The following ANAPC4 variants were observed in gnomAD, a reference collection of about 807,000 sequenced individuals.
ANAPC4 encodes anaphase promoting complex subunit 4, also known as anaphase-promoting complex subunit 4.
ANAPC4 carries 63 observed loss-of-function variants against 119.8 expected under a neutral mutation model. The observed-to-expected ratio is 0.53, with a 90% CI of 0.43 to 0.65. The LOEUF is 0.65. ANAPC4 is among the 30% of genes least tolerant of loss of function. The probability of loss-of-function intolerance (pLI) is 0.00; values close to 1 mark genes in which losing one functional copy is unlikely to be tolerated. For synonymous variants in ANAPC4, 283 were observed against 318.6 expected, an observed-to-expected ratio of 0.89 and a Z score of 1.19; for missense variants, 716 against 945.1, an observed-to-expected ratio of 0.76 and a Z score of 3.18.
intron 20 of ANAPC4, 93 bp downstream of exon 20, chr4:25,407,346 A>T (rs1346349468): frequency 7.9e-6 from 7 of 885,550 alleles, no homozygotes; most frequent in Non-Finnish European, 1.2e-5. Context: ...GTAATACAGG[A>T]TCTCTGCCCT....
In ANAPC4 at chr4:25,396,853, A is replaced by G. The variant is rs368949185; in HGVS notation, c.1168A>G (p.Ile390Val). 6.8e-6 allele frequency: 11 copies of G among 1,612,734 alleles called. No homozygotes were observed. The highest frequency in any genetic ancestry group is 5.5e-5 in the South Asian group (5 of 90,786). Residue 390 changes from isoleucine to valine, a missense_variant, in exon 16 of 29, where the codon ATA becomes GTA. Ile to Val is a conservative substitution (Grantham distance 29). Around this residue, in one of 3 missense-constraint regions of ANAPC4, gnomAD observed 504 missense variants for 615.8 expected, o/e 0.82. Coordinates refer to ENST00000315368, the MANE Select transcript of ANAPC4 (RefSeq NM_013367.3). ...TATTTATTTTTTCCCTTTAGAAGCT[A>G]TAACTGCTGTGGGTTCTTTTATACT... ...GLDAAGIEEAITAVGSFILKA... is the reference protein window; with the variant it reads ...GLDAAGIEEAVTAVGSFILKA...
chr4:25,393,166 T>G (rs1245818395), intron 10 of ANAPC4, among the ~76,000 whole-genome samples: 1 of 152,214 alleles, frequency 6.6e-6, no homozygotes, highest in Non-Finnish European at 1.5e-5. Flanking sequence ...TCAGTATCTT[T>G]TTAAAATTGA....
chr4:25,415,862 T>A (rs1723843401), intron 26 of ANAPC4: 1 of 229,168 alleles, frequency 4.4e-6, no homozygotes, highest in African/African-American at 2.3e-5. Flanking sequence ...CAAAAAAAAT[T>A]ATGAGGTGAT....
intron 20 of ANAPC4, among the ~76,000 whole-genome samples, chr4:25,407,740 A>C (rs1212373000): frequency 6.6e-6 from 1 of 152,084 alleles, no homozygotes; most frequent in African/African-American, 2.4e-5. Flanking sequence ...TCAAAAATAG[A>C]ATATACCAGC....
At position 25,392,343 on chromosome 4, in the gene ANAPC4, A is replaced by G; in HGVS notation, c.711A>G (p.Glu237=). 1 of 1,610,710 alleles carries G rather than the reference A, an allele frequency of 6.2e-7. No individual in the cohort carries two copies. The highest frequency in any genetic ancestry group is 8.5e-7 in the Non-Finnish European group (1 of 1,177,216). The stretch of plus-strand genomic sequence containing the variant: ...TTACTCTTTTGATTTTACAGCTTGA[A>G]ACTAATCTGTTGTACTCTTTCTTAC... ...GASEVSYFQL[E]TNLLYSFLPE... The change falls in exon 10 of 29, where the codon GAA becomes GAG. Residue 237 remains glutamate, a synonymous_variant. Coordinates refer to ENST00000315368, the MANE Select transcript of ANAPC4 (RefSeq NM_013367.3).
chr4:25,388,680 AAG>A, intron 5 of ANAPC4, 35 bp from the exon 6 acceptor site: 3 of 1,562,082 alleles, frequency 1.9e-6, no homozygotes, highest in Non-Finnish European at 2.6e-6. Flanking sequence ...TATTTTTACT[AAG>A]AGTATTTTTT....
At chr4:25,388,984 T>TTC in intron 7 of ANAPC4, 102 bp downstream of exon 7, 1 of 1,043,582 alleles carries the variant, frequency 9.6e-7, no homozygotes, top group Non-Finnish European at 1.4e-6. Context: ...CCATTTTATT[T>TTC]CATTGTTTTT....
In ANAPC4 at chr4:25,418,256, G is replaced by T. The variant is rs1381085831; in HGVS notation, c.2301G>T (p.Lys767Asn). The T allele has an allele frequency of 3.7e-6, 6 of 1,613,946 alleles. No homozygotes were observed. The highest frequency in any genetic ancestry group is 5.1e-6 in the Non-Finnish European group (6 of 1,179,978). The change falls in exon 29 of 29, where the codon AAG (lysine) becomes AAT (asparagine). Residue 767 changes from lysine to asparagine, a missense_variant. By Grantham distance (94) the Lys-to-Asn change is moderately conservative (BLOSUM62 0). Around this residue, in one of 3 missense-constraint regions of ANAPC4, gnomAD observed 504 missense variants for 615.8 expected, o/e 0.82. Transcript: ENST00000315368. ...ATGAAGAGGAGGAGGCCAGTAATAAGCCTGTAAAAATAAAGGAAGAAGTGT... is the reference window on the plus strand; with the variant it reads ...ATGAAGAGGAGGAGGCCAGTAATAATCCTGTAAAAATAAAGGAAGAAGTGT... ...SSDEEEEASN[K>N]PVKIKEEVLS... is the part of the protein sequence containing the mutation.
At chr4:25,381,327 C>T (rs994829004) in intron 3 of ANAPC4, among the ~76,000 whole-genome samples, 2 of 152,006 alleles carry the variant, frequency 1.3e-5, no homozygotes, top group South Asian at 2.1e-4. Flanking sequence ...TCACTCTTGT[C>T]GCCCAGGCTG....
intron 3 of ANAPC4, among the ~76,000 whole-genome samples, chr4:25,380,788 T>C (rs1721673578): frequency 6.6e-6 from 1 of 152,238 alleles, no homozygotes; most frequent in Non-Finnish European, 1.5e-5. Context: ...TGTCCTGTAT[T>C]ATTTGGCCCA....
chr4:25,394,400 T>C, intron 12 of ANAPC4, 26 bp downstream of exon 12: 13 of 1,545,908 alleles, frequency 8.4e-6, no homozygotes, highest in Non-Finnish European at 1.1e-5. Flanking sequence ...TAGGTGCTCC[T>C]GTTTTTGCTT....
At chr4:25,402,522 T>C (rs1004418977) in intron 16 of ANAPC4, among the ~76,000 whole-genome samples, 5 of 152,212 alleles carry the variant, frequency 3.3e-5, no homozygotes, top group Non-Finnish European at 2.9e-5. Context: ...TCCATTGATA[T>C]CAGAGGTAAT....
chr4:25,393,560 G>A (rs1229476231), intron 10 of ANAPC4, among the ~76,000 whole-genome samples: 2 of 152,156 alleles, frequency 1.3e-5, no homozygotes, highest in Non-Finnish European at 2.9e-5. Flanking sequence ...TACTTGGGAG[G>A]CTGAGGCAGG....
chr4:25,388,815 C>T, intron 6 of ANAPC4, 23 bp from the exon 7 acceptor site: 2 of 1,603,434 alleles, frequency 1.2e-6, no homozygotes. Flanking sequence ...TGAAAGATGA[C>T]CCAATTTACT....
At position 25,414,684 on chromosome 4, in the gene ANAPC4, CATACTG is replaced by C; in HGVS notation, c.1814_1819del (p.Thr605_Asp606del). 6.6e-7 allele frequency: 1 copy of C among 1,526,478 alleles called. No homozygotes were observed. Among genetic ancestry groups the C allele is most frequent in the Non-Finnish European group, 8.9e-7 (1 of 1,127,316 alleles). 94.6% of individuals were successfully genotyped at this position (1,526,478 alleles called of 1,614,324 possible). On this transcript the variant is annotated inframe_deletion, in exon 25 of 29. Coordinates refer to ENST00000315368, the MANE Select transcript of ANAPC4 (RefSeq NM_013367.3). ...TTATAAAATGTGCATCTTAAGGAGA[CATACTG>C]ATATTTCTCAGTAAGTATTAATCTG...
intron 14 of ANAPC4, among the ~76,000 whole-genome samples, chr4:25,396,155 T>TC (rs1722637557): frequency 6.6e-6 from 1 of 152,216 alleles, no homozygotes; most frequent in African/African-American, 2.4e-5. Flanking sequence ...CTCAGGTTCT[T>TC]CTGTTATACC....
intron 12 of ANAPC4, 74 bp downstream of exon 12, chr4:25,394,448 A>G: frequency 1.5e-6 from 2 of 1,319,164 alleles, no homozygotes; most frequent in African/African-American, 1.5e-5. Flanking sequence ...AAAGTAGTTT[A>G]TAGTCATAGT....
At chr4:25,394,960 G>A in intron 14 of ANAPC4, 55 bp downstream of exon 14, 2 of 1,361,108 alleles carry the variant, frequency 1.5e-6, no homozygotes, top group Non-Finnish European at 2.0e-6. Context: ...CCTGGCGTTG[G>A]CCTTCTTTCC....
intron 2 of ANAPC4, 115 bp downstream of exon 2, chr4:25,377,671 T>A (rs1721486809): frequency 2.1e-5 from 31 of 1,444,220 alleles, no homozygotes; most frequent in Non-Finnish European, 2.8e-5. Context: ...AGTTTCCCCT[T>A]CTGCAGACAT....
Sources: allele counts gnomAD v4.1 joint callset (sites outside exome capture counted in the v4.1 genomes callset), GRCh38; gene constraint gnomAD v4.1.1; regional missense constraint gnomAD v4.1.1; transcripts MANE v1.5; gene names NCBI Gene and HGNC (gene_info 2026-07-23, HGNC 2026-07-21).